The following DPY19L4 variants were observed in gnomAD, a reference collection of about 807,000 sequenced individuals.
DPY19L4 encodes the protein probable C-mannosyltransferase DPY19L4.
In DPY19L4, 97 loss-of-function variants were observed where a neutral mutation model predicts 102.8. That is an observed-to-expected ratio of 0.94 (90% CI 0.80 to 1.12). DPY19L4 has a LOEUF of 1.12. DPY19L4 is among the 50% of genes most tolerant of loss of function. The pLI, the probability that DPY19L4 is intolerant of heterozygous loss-of-function variation, is 0.00. For synonymous variants in DPY19L4, 252 were observed against 283.1 expected, an observed-to-expected ratio of 0.89 and a Z score of 1.10; for missense variants, 815 against 850.4, an observed-to-expected ratio of 0.96 and a Z score of 0.52.
chr8:94,754,920 C>G (rs1243309576), intron 6 of DPY19L4, among the ~76,000 whole-genome samples: 3 of 152,194 alleles, frequency 2.0e-5, no homozygotes, highest in Non-Finnish European at 4.4e-5. Flanking sequence ...TAACAAGTAG[C>G]TGGTACTACA....
chr8:94,724,658 G>C (rs943551572), intron 1 of DPY19L4, among the ~76,000 whole-genome samples: 1 of 114,920 alleles, frequency 8.7e-6, no homozygotes, highest in Non-Finnish European at 1.9e-5. Context: ...GCGCGATCTC[G>C]GGTCACTGCA....
chr8:94,786,165 C>A (rs1414754806), intron 17 of DPY19L4, among the ~76,000 whole-genome samples: 1 of 152,190 alleles, frequency 6.6e-6, no homozygotes, highest in South Asian at 2.1e-4. Context: ...TGACGAGTCT[C>A]GCTCAGGCTG....
At chr8:94,742,040 T>TA (rs1811466497) in intron 6 of DPY19L4, among the ~76,000 whole-genome samples, 1 of 152,334 alleles carries the variant, frequency 6.6e-6, no homozygotes, top group African/African-American at 2.4e-5. Flanking sequence ...GTTATAATAA[T>TA]ACTCATAGAC....
At chr8:94,720,996 G>C (rs1487380403) in intron 1 of DPY19L4, among the ~76,000 whole-genome samples, 2 of 151,684 alleles carry the variant, frequency 1.3e-5, no homozygotes, top group East Asian at 3.9e-4. Flanking sequence ...GCCCAGTCTA[G>C]AGTGCAAAGG....
chr8:94,776,057 G>T (rs1246547655), intron 13 of DPY19L4, among the ~76,000 whole-genome samples: 1 of 123,040 alleles, frequency 8.1e-6, no homozygotes, highest in African/African-American at 3.2e-5. Flanking sequence ...TTTTGAGATG[G>T]AGTCTCCCTG....
chr8:94,751,206 C>T (rs983001504), intron 6 of DPY19L4, among the ~76,000 whole-genome samples: 23 of 150,930 alleles, frequency 1.5e-4, no homozygotes, highest in African/African-American at 5.1e-4. Flanking sequence ...GCAAGCTCCG[C>T]CTCCTGGGTT....
At chr8:94,734,797 G>C (rs765155629) in intron 3 of DPY19L4, 43 bp downstream of exon 3, 9 of 1,611,168 alleles carry the variant, frequency 5.6e-6, no homozygotes, top group Non-Finnish European at 6.8e-6. Flanking sequence ...TATTTTCCCA[G>C]GGAACCAGAA....
At chr8:94,775,241 G>A (rs888481704) in intron 13 of DPY19L4, among the ~76,000 whole-genome samples, 1 of 150,934 alleles carries the variant, frequency 6.6e-6, no homozygotes, top group Non-Finnish European at 1.5e-5. Flanking sequence ...GCGCCATCTC[G>A]ACTCACTGTA....
Position 94,738,478 on chromosome 8 carries a change from T to C in DPY19L4, c.343+19T>C, listed in dbSNP as rs375409727. 5.6e-5 allele frequency: 78 copies of C among 1,398,134 alleles called. 1 individual carries two copies. The African/African-American group carries it at 1.1e-3, about 19-fold the overall frequency. The allele number at this position is 1,398,134 out of a possible 1,614,324, so 86.6% of individuals were successfully genotyped here. A position where few individuals can be genotyped will look rare whatever the true frequency, so the allele number is the denominator to read the frequency against. ...GAAAGAGGTATGATAATCACAGTTA[T>C]ATTTTTAATAACAGTATTTTCCTTT... On this transcript the variant is annotated intron_variant, in intron 4 of 18. Transcript: ENST00000414645.
chr8:94,763,169 G>C (rs112903091), intron 8 of DPY19L4, among the ~76,000 whole-genome samples: 104 of 150,502 alleles, frequency 6.9e-4, no homozygotes, highest in Middle Eastern at 3.5e-3. Flanking sequence ...GGCTGATCTC[G>C]AACTCCTGAC....
chr8:94,740,793 T>G (rs1429666316), intron 6 of DPY19L4, among the ~76,000 whole-genome samples: 1 of 152,180 alleles, frequency 6.6e-6, no homozygotes, highest in African/African-American at 2.4e-5. Flanking sequence ...TCTATTCAAC[T>G]GTCACTGCCT....
intron 2 of DPY19L4, among the ~76,000 whole-genome samples, chr8:94,732,384 A>G (rs1015945297): frequency 3.3e-5 from 5 of 152,072 alleles, no homozygotes; most frequent in Admixed American, 3.3e-4. Flanking sequence ...AATGTGTCTT[A>G]TGTTATTTCA....
At chr8:94,752,361 G>A (rs1811969590) in intron 6 of DPY19L4, among the ~76,000 whole-genome samples, 1 of 151,950 alleles carries the variant, frequency 6.6e-6, no homozygotes, top group Admixed American at 6.6e-5. Context: ...TAGGCAGGCG[G>A]ATCATGAGGT....
At chr8:94,729,654 T>G (rs906256704) in intron 2 of DPY19L4, among the ~76,000 whole-genome samples, 27 of 126,012 alleles carry the variant, frequency 2.1e-4, no homozygotes, top group Middle Eastern at 4.5e-3. Context: ...AGACCTCATC[T>G]CCACAAAAAA....
In DPY19L4 at chr8:94,777,726, C is replaced by T. The variant is rs199585103; in HGVS notation, c.1515C>T (p.Pro505=). The T allele has an allele frequency of 6.1e-5, 98 of 1,613,754 alleles. No individual in the cohort carries two copies. Among genetic ancestry groups the T allele is most frequent in the Middle Eastern group, 1.6e-4 (1 of 6,082 alleles). The part of the protein sequence containing the change: ...CMLAAFGVCS[P]ELWMTLFKWL... Reference sequence around the variant, plus strand: ...TAGCAGCATTTGGTGTATGTTCTCCCGAACTTTGGATGACACTTTTCAAGT... The same window carrying T: ...TAGCAGCATTTGGTGTATGTTCTCCTGAACTTTGGATGACACTTTTCAAGT... Residue 505 remains proline, a synonymous_variant, in exon 14 of 19, where the codon CCC becomes CCT. Transcript: ENST00000414645.
At chr8:94,726,059 G>C (rs1336244570) in intron 1 of DPY19L4, among the ~76,000 whole-genome samples, 3 of 152,164 alleles carry the variant, frequency 2.0e-5, no homozygotes. Flanking sequence ...CTTATTTTGG[G>C]ATGTTTTGAA....
intron 2 of DPY19L4, among the ~76,000 whole-genome samples, chr8:94,726,986 A>G (rs1810719079): frequency 6.6e-6 from 1 of 152,212 alleles, no homozygotes; most frequent in African/African-American, 2.4e-5. Flanking sequence ...CTCAGACAAA[A>G]TACGCTTACT....
intron 3 of DPY19L4, among the ~76,000 whole-genome samples, chr8:94,735,024 C>T (rs1811135670): frequency 6.6e-6 from 1 of 152,142 alleles, no homozygotes; most frequent in Non-Finnish European, 1.5e-5. Flanking sequence ...TCAGCCTTTT[C>T]ATAGTTTTGA....
chr8:94,755,930 G>A (rs1017832338), intron 6 of DPY19L4, 106 bp from the exon 7 acceptor site: 2 of 1,208,978 alleles, frequency 1.7e-6, no homozygotes, highest in South Asian at 1.6e-5. Context: ...CTACCTCACA[G>A]GATTGTTATG....
Sources: gnomAD v4.1 joint callset for allele counts (sites outside exome capture counted in the v4.1 genomes callset) on GRCh38, gnomAD v4.1.1 for gene constraint, MANE v1.5 for transcripts, NCBI Gene and HGNC (gene_info 2026-07-23, HGNC 2026-07-21) for gene names.